The following LRP12 variants were observed in gnomAD, a reference collection of about 807,000 sequenced individuals.
The protein encoded by LRP12 is LDL receptor related protein 12.
A neutral mutation model predicts 66.0 loss-of-function variants in LRP12; 14 were observed. That is an observed-to-expected ratio of 0.21 (90% CI 0.14 to 0.33). The LOEUF (loss-of-function observed/expected upper bound fraction) is 0.33, where lower values mean the gene tolerates loss of function less well. Ranked by LOEUF, LRP12 falls within the 10% of genes least tolerant of loss-of-function variation. The pLI is 1.00. For synonymous variants in LRP12, 357 were observed against 359.1 expected (o/e 0.99, Z 0.07); for missense variants, 889 against 1,053.4 (o/e 0.84, Z 2.16).
chr8:104,496,085 G>A (rs1810721642), intron 5 of LRP12: 1 of 152,182 alleles, frequency 6.6e-6, no homozygotes, highest in East Asian at 1.9e-4. Context: ...TGTCTCCACA[G>A]GGACATCTCT....
chr8:104,576,235 G>C (rs1261738591), intron 1 of LRP12, among the ~76,000 whole-genome samples: 1 of 152,198 alleles, frequency 6.6e-6, no homozygotes, highest in Admixed American at 6.5e-5. Context: ...AACCTAGCTA[G>C]AGAAGCCAAC....
At chr8:104,567,482 T>C (rs1005789992) in intron 1 of LRP12, among the ~76,000 whole-genome samples, 8 of 152,074 alleles carry the variant, frequency 5.3e-5, no homozygotes, top group Non-Finnish European at 1.2e-4. Context: ...TTCTGGGAGA[T>C]ACAATTCAAG....
chr8:104,522,197 A>G (rs1212525601), intron 2 of LRP12, among the ~76,000 whole-genome samples: 2 of 152,082 alleles, frequency 1.3e-5, no homozygotes, highest in Admixed American at 1.3e-4. Flanking sequence ...ACAAAATGTT[A>G]ACTAATCTGA....
intron 2 of LRP12, among the ~76,000 whole-genome samples, chr8:104,529,058 A>G (rs1312507078): frequency 6.6e-6 from 1 of 152,180 alleles, no homozygotes; most frequent in Non-Finnish European, 1.5e-5. Flanking sequence ...CAAAACTCAT[A>G]TTTTAGAGTC....
chr8:104,581,333 T>C (rs1812246335), intron 1 of LRP12, among the ~76,000 whole-genome samples: 1 of 152,080 alleles, frequency 6.6e-6, no homozygotes, highest in South Asian at 2.1e-4. Flanking sequence ...AAATAACTAC[T>C]GGGTACTATA....
At chr8:104,541,932 C>T (rs1564139885) in intron 1 of LRP12, among the ~76,000 whole-genome samples, 1 of 152,072 alleles carries the variant, frequency 6.6e-6, no homozygotes, top group Admixed American at 6.5e-5. Context: ...GTAGTTTCTA[C>T]TTTTTGTGAA....
intron 1 of LRP12, among the ~76,000 whole-genome samples, chr8:104,556,949 T>C (rs992424218): frequency 6.6e-6 from 1 of 151,990 alleles, no homozygotes; most frequent in Non-Finnish European, 1.5e-5. Flanking sequence ...AATGCAGAAA[T>C]AGTTTAACAT....
chr8:104,588,968 C>CGCT lies in LRP12; in HGVS notation c.-72_-71insAGC. The CGCT allele has an allele frequency of 1.8e-6, 1 of 570,860 alleles. No individual in the cohort carries two copies. Among genetic ancestry groups the CGCT allele is most frequent in the East Asian group, 5.3e-5 (1 of 18,800 alleles). 35.4% of individuals were successfully genotyped at this position (570,860 alleles called of 1,614,324 possible). ...AGGAGAAGCTGGAGGTAGACGACGC[C>CGCT]GACGCCGCCGCCGCCGCCGCCGCCG... On this transcript the variant is annotated 5_prime_UTR_variant, in exon 1 of 7. Coordinates refer to ENST00000276654, the MANE Select transcript of LRP12 (RefSeq NM_013437.5).
chr8:104,555,367 A>G (rs571450381), intron 1 of LRP12, among the ~76,000 whole-genome samples: 1 of 152,292 alleles, frequency 6.6e-6, no homozygotes, highest in South Asian at 2.1e-4. Flanking sequence ...CTTAGAAGAC[A>G]TAAAATGCCA....
chr8:104,547,154 TATATC>T (rs1171640811), intron 1 of LRP12, among the ~76,000 whole-genome samples: 1 of 144,510 alleles, frequency 6.9e-6, no homozygotes, highest in African/African-American at 2.5e-5. Context: ...AATTCTATGT[TATATC>T]ATACTTTGTA....
chr8:104,583,579 G>C (rs1184008249), intron 1 of LRP12, among the ~76,000 whole-genome samples: 2 of 152,172 alleles, frequency 1.3e-5, no homozygotes, highest in African/African-American at 4.8e-5. Context: ...AGCTCCATGA[G>C]GGCAGAAACT....
At chr8:104,532,548 T>C (rs917398539) in intron 1 of LRP12, among the ~76,000 whole-genome samples, 4 of 152,136 alleles carry the variant, frequency 2.6e-5, no homozygotes, top group Admixed American at 2.6e-4. Context: ...TATACATCAT[T>C]AGTTCTAAAG....
chr8:104,504,516 T>TA (rs1331099374), intron 3 of LRP12: 1 of 152,288 alleles, frequency 6.6e-6, no homozygotes, highest in African/African-American at 2.4e-5. Flanking sequence ...TATGGTTATT[T>TA]AAAAAATATT....
At chr8:104,499,138 A>G (rs1412228569) in intron 4 of LRP12, among the ~76,000 whole-genome samples, 179 bp downstream of exon 4, 1 of 152,210 alleles carries the variant, frequency 6.6e-6, no homozygotes, top group Non-Finnish European at 1.5e-5. Context: ...GAATTATACA[A>G]AACACCTTTT....
At chr8:104,564,887 C>T (rs551183659) in intron 1 of LRP12, among the ~76,000 whole-genome samples, 7 of 151,332 alleles carry the variant, frequency 4.6e-5, no homozygotes, top group East Asian at 3.9e-4. Flanking sequence ...GAGCCTAGAT[C>T]GCACCACTGC....
chr8:104,548,345 A>T (rs1428349994), intron 1 of LRP12, among the ~76,000 whole-genome samples: 1 of 12,066 alleles, frequency 8.3e-5, no homozygotes, highest in African/African-American at 5.0e-4. Flanking sequence ...ATAAATATAT[A>T]AATATATAAT....
chr8:104,564,748 C>T (rs947840062), intron 1 of LRP12, among the ~76,000 whole-genome samples: 3 of 151,786 alleles, frequency 2.0e-5, no homozygotes, highest in East Asian at 1.9e-4. Context: ...CTTGCCAACA[C>T]GGTGAAACCC....
intron 1 of LRP12, among the ~76,000 whole-genome samples, chr8:104,579,051 A>G (rs1588511691): frequency 1.3e-5 from 2 of 152,204 alleles, no homozygotes; most frequent in East Asian, 3.8e-4. Context: ...CACCACTGCT[A>G]TTCAACATAG....
chr8:104,554,816 A>G (rs752188395), intron 1 of LRP12, among the ~76,000 whole-genome samples: 18 of 152,312 alleles, frequency 1.2e-4, no homozygotes, highest in African/African-American at 4.3e-4. Flanking sequence ...ACCTAGGCAC[A>G]CAGTCATCAG....
Sources: gnomAD v4.1 joint callset for allele counts (sites outside exome capture counted in the v4.1 genomes callset) on GRCh38, gnomAD v4.1.1 for gene constraint, MANE v1.5 for transcripts, NCBI Gene and HGNC (gene_info 2026-07-23, HGNC 2026-07-21) for gene names.